The following MRE11 variants were observed in gnomAD, a reference collection of about 807,000 sequenced individuals.
MRE11 encodes the protein double-strand break repair protein MRE11.
A neutral mutation model predicts 91.7 loss-of-function variants in MRE11; 62 were observed. The ratio of observed to expected loss-of-function variants is 0.68; its 90% CI spans 0.55 to 0.84. MRE11 has a LOEUF of 0.84. Among genes scored for constraint, MRE11 ranks in the 40% least tolerant of loss-of-function variants. MRE11 has a pLI of 0.00. For synonymous variants in MRE11, 273 were observed against 271.4 expected, an observed-to-expected ratio of 1.01 and a Z score of -0.06; for missense variants, 796 against 852.9, an observed-to-expected ratio of 0.93 and a Z score of 0.83.
intron 4 of MRE11, among the ~76,000 whole-genome samples, chr11:94,482,692 C>T (rs1268299238): frequency 6.6e-5 from 10 of 152,020 alleles, no homozygotes; most frequent in Middle Eastern, 3.4e-3. Context: ...TCAACACTTT[C>T]GGAGGCCAAG....
chr11:94,446,867 T>C (rs900358400), intron 15 of MRE11, among the ~76,000 whole-genome samples: 3 of 152,252 alleles, frequency 2.0e-5, no homozygotes, highest in African/African-American at 7.2e-5. Context: ...CCAAAGGCTT[T>C]TAGCTATTTT....
At chr11:94,471,817 A>G in intron 7 of MRE11, 58 bp from the exon 8 acceptor site, 1 of 1,317,010 alleles carries the variant, frequency 7.6e-7, no homozygotes, top group East Asian at 2.5e-5. Flanking sequence ...CATATTATTG[A>G]AGTCTATACA....
At chr11:94,451,977 G>A (rs1227814930) in intron 14 of MRE11, among the ~76,000 whole-genome samples, 1 of 151,996 alleles carries the variant, frequency 6.6e-6, no homozygotes, top group Non-Finnish European at 1.5e-5. Context: ...AGGCCGAGGC[G>A]GGTGGATCAC....
intron 6 of MRE11, among the ~76,000 whole-genome samples, chr11:94,476,808 C>A (rs1285673118): frequency 6.6e-6 from 1 of 152,032 alleles, no homozygotes; most frequent in Non-Finnish European, 1.5e-5. Flanking sequence ...GCAACCTTCA[C>A]CTCCTGGGTT....
At chr11:94,426,564 G>T (rs1050752482) in intron 19 of MRE11, among the ~76,000 whole-genome samples, 3 of 151,274 alleles carry the variant, frequency 2.0e-5, no homozygotes, top group African/African-American at 4.9e-5. Flanking sequence ...AATTAGAGAA[G>T]AACTGAACAA....
chr11:94,495,084 T>C (rs1457832321), upstream of MRE11, among the ~76,000 whole-genome samples: 1 of 152,130 alleles, frequency 6.6e-6, no homozygotes, highest in Non-Finnish European at 1.5e-5. Flanking sequence ...ATTCTTACAT[T>C]TTACAATAAA....
rs770765167 is a variant in MRE11, at chr11:94,492,807, T to C, written c.-6A>G. 5.0e-6 allele frequency: 8 copies of C among 1,613,612 alleles called. No individual in the cohort carries two copies. Among genetic ancestry groups the C allele is most frequent in the Admixed American group, 1.7e-5 (1 of 60,004 alleles). On this transcript the variant is annotated 5_prime_UTR_variant, in exon 2 of 20. Coordinates refer to ENST00000323929, the MANE Select transcript of MRE11 (RefSeq NM_005591.4). Reference sequence around the variant, plus strand: ...AGTGCATCTGCAGTACTCATTTTTATGGTCAGTCAAGCTCCTCTGGGACCA... The same window carrying C: ...AGTGCATCTGCAGTACTCATTTTTACGGTCAGTCAAGCTCCTCTGGGACCA...
rs1399325536 is a variant in MRE11, at chr11:94,470,195, A to T, written c.1017+276T>A. Among the ~76,000 whole-genome samples, 4 of 152,230 alleles carry T rather than the reference A, an allele frequency of 2.6e-5. No individual in the cohort carries two copies. In the East Asian group the frequency reaches 5.8e-4, roughly 22 times the overall value. Reference sequence around the variant, plus strand: ...ACAAATCATCAAATCAGGATTAAAAAGGAGAAAAGATTATGTATTATGTTT... The same window carrying T: ...ACAAATCATCAAATCAGGATTAAAATGGAGAAAAGATTATGTATTATGTTT... On this transcript the variant is annotated intron_variant, in intron 9 of 19. Coordinates refer to ENST00000323929, the MANE Select transcript of MRE11 (RefSeq NM_005591.4).
At chr11:94,456,155 G>A in intron 14 of MRE11, 121 bp downstream of exon 14, 1 of 869,720 alleles carries the variant, frequency 1.1e-6, no homozygotes, top group Admixed American at 2.1e-5. Context: ...GCCATCCTAA[G>A]CCAACCCCAG....
At chr11:94,466,644 A>ACG in intron 10 of MRE11, 1 of 359,922 alleles carries the variant, frequency 2.8e-6, no homozygotes. Flanking sequence ...GCCAGAATGA[A>ACG]GCTCAGGAAG....
intron 9 of MRE11, 76 bp downstream of exon 9, chr11:94,470,395 C>G: frequency 2.8e-6 from 4 of 1,424,554 alleles, no homozygotes; most frequent in Non-Finnish European, 3.9e-6. Context: ...TCCCTCTACT[C>G]TATTAAATTA....
At position 94,476,360 on chromosome 11, in the gene MRE11, TTTA is replaced by T; in HGVS notation, c.585_587del (p.Asn195del). 6.2e-7 allele frequency: 1 copy of T among 1,613,256 alleles called. No homozygotes were observed. The highest frequency in any genetic ancestry group is 8.5e-7 in the Non-Finnish European group (1 of 1,179,390). On this transcript the variant is annotated inframe_deletion, in exon 7 of 20. Transcript: ENST00000323929. Reference sequence around the variant, plus strand: ...CCTTTGGTCTCAACATTGTTACTTTTTTATTGACAAACATTCGATAGAGCCTTT... The same window carrying T: ...CCTTTGGTCTCAACATTGTTACTTTTTTGACAAACATTCGATAGAGCCTTT...
At chr11:94,435,336 C>T (rs1026959880) in intron 18 of MRE11, among the ~76,000 whole-genome samples, 11 of 152,116 alleles carry the variant, frequency 7.2e-5, no homozygotes, top group African/African-American at 2.2e-4. Context: ...GGGTGGATCG[C>T]CTGAGCTCAG....
rs185413413 is a variant in MRE11 at position 94,416,169 on chromosome 11, G to A, written c.*3956C>T. On this transcript the variant is annotated 3_prime_UTR_variant, in exon 20 of 20. Coordinates refer to ENST00000323929, the MANE Select transcript of MRE11 (RefSeq NM_005591.4). The stretch of plus-strand genomic sequence containing the variant: ...TCTTGCCAACAGTAATTGGAGAAAC[G>A]TGTTCCTAATTGTCGGTGGGGAGAG... The A allele has an allele frequency of 6.6e-6, 1 of 152,180 alleles. No homozygotes were observed. Among genetic ancestry groups the A allele is most frequent in the African/African-American group, 2.4e-5 (1 of 41,430 alleles). 9.4% of individuals were successfully genotyped at this position (152,180 alleles called of 1,614,324 possible).
the MRE11 span, among the ~76,000 whole-genome samples, chr11:94,502,578 T>C: frequency 6.6e-3 from 999 of 152,366 alleles, 14 homozygotes; most frequent in African/African-American, 0.023. Flanking sequence ...TGAATTTGGT[T>C]ACTTGTATCT....
At chr11:94,511,476 T>C in the MRE11 span, among the ~76,000 whole-genome samples, 1 of 152,212 alleles carries the variant, frequency 6.6e-6, no homozygotes, top group South Asian at 2.1e-4. Flanking sequence ...CAAATATTAC[T>C]CTAGCCAAAA....
chr11:94,457,846 C>T lies in MRE11; in HGVS notation c.1501-1508G>A, dbSNP rs13447673. 2.6e-3 allele frequency among the ~76,000 whole-genome samples: 387 copies of T among 149,246 alleles called. 3 individuals carry two copies. Among genetic ancestry groups the T allele is most frequent in the African/African-American group, 9.2e-3 (372 of 40,258 alleles). On this transcript the variant is annotated intron_variant, in intron 13 of 19. Transcript: ENST00000323929. The stretch of plus-strand genomic sequence containing the variant: ...GTCTGGTCAGAGCCACCATGACTCA[C>T]ACACACTCTTTCTCTTTCTCTCTCT...
chr11:94,490,022 C>T (rs1205291554), intron 3 of MRE11, among the ~76,000 whole-genome samples: 1 of 152,178 alleles, frequency 6.6e-6, no homozygotes, highest in Non-Finnish European at 1.5e-5. Context: ...CCCTTGCATT[C>T]ATTTCCTCTT....
At chr11:94,457,165 A>C (rs182149150) in intron 13 of MRE11, among the ~76,000 whole-genome samples, 222 of 152,350 alleles carry the variant, frequency 1.5e-3, no homozygotes, top group African/African-American at 4.9e-3. Context: ...GAAGATAACA[A>C]GAGTCTGGTA....
Sources: gnomAD v4.1 joint callset for allele counts (sites outside exome capture counted in the v4.1 genomes callset) on GRCh38, gnomAD v4.1.1 for gene constraint, MANE v1.5 for transcripts, NCBI Gene and HGNC (gene_info 2026-07-23, HGNC 2026-07-21) for gene names.